FHOD3: variants seen among roughly 807,000 people sequenced by gnomAD.
FHOD3 encodes the protein formin homology 2 domain containing 3, also known as FH1/FH2 domain-containing protein 3.
In FHOD3, 90 loss-of-function variants were observed where a neutral mutation model predicts 173.0. The ratio of observed to expected loss-of-function variants is 0.52; its 90% CI spans 0.44 to 0.62. FHOD3 has a LOEUF of 0.62. Ranked by LOEUF, FHOD3 falls within the 20% of genes least tolerant of loss-of-function variation. The pLI is 0.00. For synonymous variants in FHOD3, 828 were observed against 823.0 expected, an observed-to-expected ratio of 1.01 and a Z score of -0.10; for missense variants, 1,945 against 2,034.7, an observed-to-expected ratio of 0.96 and a Z score of 0.85.
chr18:36,440,350 G>A (rs1260674406), intron 3 of FHOD3, among the ~76,000 whole-genome samples: 1 of 152,212 alleles, frequency 6.6e-6, no homozygotes, highest in Non-Finnish European at 1.5e-5. Flanking sequence ...CCTGGGGAGA[G>A]CCTTCTCTTC....
intron 17 of FHOD3, among the ~76,000 whole-genome samples, chr18:36,704,750 C>T (rs573438895): frequency 1.1e-3 from 172 of 152,242 alleles, no homozygotes; most frequent in African/African-American, 4.1e-3. Context: ...GTGAGGGCTT[C>T]GGAAGGCAGT....
chr18:36,537,244 T>C (rs774573469), intron 5 of FHOD3, among the ~76,000 whole-genome samples: 1 of 152,228 alleles, frequency 6.6e-6, no homozygotes, highest in Non-Finnish European at 1.5e-5. Flanking sequence ...AGACATCCTG[T>C]CACTCTGTTG....
intron 3 of FHOD3, among the ~76,000 whole-genome samples, chr18:36,484,680 A>G (rs1263493810): frequency 2.0e-5 from 3 of 152,102 alleles, no homozygotes; most frequent in African/African-American, 7.2e-5. Context: ...GCCTCTAAGT[A>G]TGGTATAATG....
At chr18:36,738,875 G>T (rs1014833021) in intron 20 of FHOD3, among the ~76,000 whole-genome samples, 2 of 152,104 alleles carry the variant, frequency 1.3e-5, no homozygotes, top group Admixed American at 6.5e-5. Flanking sequence ...TTTCTCCAAG[G>T]TTACTCTTTT....
In FHOD3 at chr18:36,380,573, T is replaced by TTTCC. The variant is rs1568196202; in HGVS notation, c.337+7831_337+7832insCCTT. On this transcript the variant is annotated intron_variant, in intron 3 of 28. Transcript: ENST00000590592. ...TTTTGTTTTCTTTTCTTTTCTTTTC[T>TTTCC]TTTCTTTTCCTTTCCTTTCCTTTCC... 5.8e-3 allele frequency among the ~76,000 whole-genome samples: 464 copies of TTTCC among 79,888 alleles called. 15 individuals are homozygous for TTTCC. Among genetic ancestry groups the TTTCC allele is most frequent in the African/African-American group, 0.023 (420 of 18,378 alleles). 52.4% of individuals were successfully genotyped at this position (79,888 alleles called of 152,430 possible). A position where few individuals can be genotyped will look rare whatever the true frequency, so the allele number is the denominator to read the frequency against.
At chr18:36,544,235 C>A (rs531007685) in intron 5 of FHOD3, among the ~76,000 whole-genome samples, 8 of 152,310 alleles carry the variant, frequency 5.3e-5, no homozygotes, top group Admixed American at 3.3e-4. Flanking sequence ...AGAGTTAGTG[C>A]CGGGAGCTGG....
At chr18:36,589,467 G>T (rs1041583597) in intron 6 of FHOD3, among the ~76,000 whole-genome samples, 1 of 152,186 alleles carries the variant, frequency 6.6e-6, no homozygotes, top group African/African-American at 2.4e-5. Flanking sequence ...CTCCATGGAA[G>T]CTGGAAAGGG....
intron 3 of FHOD3, among the ~76,000 whole-genome samples, chr18:36,500,679 C>T (rs2054986366): frequency 6.6e-6 from 1 of 152,190 alleles, no homozygotes; most frequent in African/African-American, 2.4e-5. Flanking sequence ...GTGTTTTGTT[C>T]AAGGTCACAT....
At chr18:36,523,082 C>T (rs927256544) in intron 5 of FHOD3, among the ~76,000 whole-genome samples, 12 of 152,300 alleles carry the variant, frequency 7.9e-5, no homozygotes, top group African/African-American at 2.9e-4. Context: ...CCCTAGCCCC[C>T]CAACCACACT....
At chr18:36,613,186 G>T (rs1386784253) in intron 9 of FHOD3, among the ~76,000 whole-genome samples, 2 of 152,212 alleles carry the variant, frequency 1.3e-5, no homozygotes, top group Non-Finnish European at 2.9e-5. Flanking sequence ...CAGAACTCCT[G>T]CCTATCACCA....
chr18:36,689,464 A>G (rs1422713029), intron 16 of FHOD3, among the ~76,000 whole-genome samples: 4 of 152,214 alleles, frequency 2.6e-5, no homozygotes, highest in South Asian at 2.1e-4. Flanking sequence ...ATCTGGATAC[A>G]TGTTATATTA....
chr18:36,453,445 C>T (rs1029713153), intron 3 of FHOD3, among the ~76,000 whole-genome samples: 1 of 152,230 alleles, frequency 6.6e-6, no homozygotes, highest in African/African-American at 2.4e-5. Context: ...GCAACTAACT[C>T]CAAATGAAAT....
At chr18:36,430,388 G>C (rs994180788) in intron 3 of FHOD3, among the ~76,000 whole-genome samples, 4 of 152,090 alleles carry the variant, frequency 2.6e-5, no homozygotes, top group Non-Finnish European at 5.9e-5. Context: ...AGCTAATTTT[G>C]TATTTTTAGT....
intron 3 of FHOD3, among the ~76,000 whole-genome samples, chr18:36,500,573 A>G (rs949545649): frequency 2.0e-5 from 3 of 152,220 alleles, no homozygotes; most frequent in Non-Finnish European, 2.9e-5. Flanking sequence ...ATTCCACTCC[A>G]TAGTACACAT....
intron 7 of FHOD3, among the ~76,000 whole-genome samples, chr18:36,600,046 A>G (rs1488586103): frequency 6.6e-6 from 1 of 152,112 alleles, no homozygotes; most frequent in Non-Finnish European, 1.5e-5. Flanking sequence ...AGCAGCGCTA[A>G]GGAAAAAAGA....
chr18:36,298,445 C>T (rs1306586131), intron 1 of FHOD3, among the ~76,000 whole-genome samples: 1 of 152,154 alleles, frequency 6.6e-6, no homozygotes, highest in Non-Finnish European at 1.5e-5. Context: ...ACGGCCGGGA[C>T]AAAACCTCCC....
intron 3 of FHOD3, among the ~76,000 whole-genome samples, chr18:36,392,297 A>G (rs983372067): frequency 5.3e-5 from 8 of 152,188 alleles, no homozygotes; most frequent in Non-Finnish European, 1.5e-5. Context: ...CACAATGCAT[A>G]ACACATGATG....
At chr18:36,373,575 C>A (rs1014269925) in intron 3 of FHOD3, among the ~76,000 whole-genome samples, 4 of 152,180 alleles carry the variant, frequency 2.6e-5, no homozygotes, top group Non-Finnish European at 4.4e-5. Flanking sequence ...GATTTCACTT[C>A]ATTTGGTGTG....
At chr18:36,514,824 T>A (rs1012582390) in intron 5 of FHOD3, among the ~76,000 whole-genome samples, 1 of 152,176 alleles carries the variant, frequency 6.6e-6, no homozygotes, top group Non-Finnish European at 1.5e-5. Context: ...ACCCATTCCC[T>A]AGACCTCACG....
Sources: gnomAD v4.1 joint callset for allele counts (sites outside exome capture counted in the v4.1 genomes callset) on GRCh38, gnomAD v4.1.1 for gene constraint, MANE v1.5 for transcripts, NCBI Gene and HGNC (gene_info 2026-07-23, HGNC 2026-07-21) for gene names.